GNRHR: variants seen among roughly 807,000 people sequenced by gnomAD.
The protein encoded by GNRHR is gonadotropin-releasing hormone receptor.
A neutral mutation model predicts 28.1 loss-of-function variants in GNRHR; 14 were observed. That is an observed-to-expected ratio of 0.50 (90% CI 0.33 to 0.78). The LOEUF (loss-of-function observed/expected upper bound fraction) is 0.78, where lower values mean the gene tolerates loss of function less well. Among genes scored for constraint, GNRHR ranks in the 30% least tolerant of loss-of-function variants. The pLI is 0.02. For missense variants in GNRHR, 366 were observed against 382.1 expected, an observed-to-expected ratio of 0.96 and a Z score of 0.35; for synonymous variants, 141 against 140.5, an observed-to-expected ratio of 1.00 and a Z score of -0.02.
rs564954554 is a variant in GNRHR, at chr4:67,739,513, C to T, written c.*967G>A. On this transcript the variant is annotated 3_prime_UTR_variant, in exon 3 of 3. Transcript: ENST00000226413. ...ACAGACTGAAGCTGTAGTTTTCTCTCCAGAGTTCCTTTTGTGTATCAAGCA... is the reference window on the plus strand; with the variant it reads ...ACAGACTGAAGCTGTAGTTTTCTCTTCAGAGTTCCTTTTGTGTATCAAGCA... The T allele has an allele frequency of 6.6e-6, 1 of 152,128 alleles. No homozygotes were observed. Among genetic ancestry groups the T allele is most frequent in the African/African-American group, 2.4e-5 (1 of 41,522 alleles). The allele number at this position is 152,128 out of a possible 1,614,324, so 9.4% of individuals were successfully genotyped here.
intron 1 of GNRHR, chr4:67,747,327 TA>T: frequency 6.0e-6 from 1 of 165,640 alleles, no homozygotes. Flanking sequence ...AGTTTTTTGC[TA>T]ACACCACAAA....
chr4:67,745,744 T>C (rs1053580121), intron 1 of GNRHR, among the ~76,000 whole-genome samples: 3 of 152,086 alleles, frequency 2.0e-5, no homozygotes, highest in Non-Finnish European at 4.4e-5. Flanking sequence ...ACATTGCCAA[T>C]AATAGGACCT....
chr4:67,744,859 G>A, intron 1 of GNRHR, 72 bp from the exon 2 acceptor site: 1 of 860,994 alleles, frequency 1.2e-6, no homozygotes, highest in Admixed American at 1.8e-5. Context: ...TTGGTACTCT[G>A]CTAGCCTTCT....
intron 1 of GNRHR, among the ~76,000 whole-genome samples, chr4:67,750,297 C>A (rs999886536): frequency 6.6e-6 from 1 of 152,056 alleles, no homozygotes; most frequent in East Asian, 1.9e-4. Flanking sequence ...TAGTGAATAA[C>A]CAAGTGGAGG....
intron 1 of GNRHR, among the ~76,000 whole-genome samples, chr4:67,751,232 G>C (rs966271267): frequency 5.9e-5 from 9 of 152,302 alleles, no homozygotes; most frequent in East Asian, 5.8e-4. Context: ...TTTCAGTGTA[G>C]TGTGTATTTC....
At chr4:67,745,272 G>T (rs1042489340) in intron 1 of GNRHR, among the ~76,000 whole-genome samples, 1 of 151,132 alleles carries the variant, frequency 6.6e-6, no homozygotes, top group Non-Finnish European at 1.5e-5. Context: ...AAGAATGATG[G>T]AATATGTCAA....
chr4:67,753,083 G>C (rs1264810795), intron 1 of GNRHR, among the ~76,000 whole-genome samples: 1 of 152,196 alleles, frequency 6.6e-6, no homozygotes, highest in Non-Finnish European at 1.5e-5. Flanking sequence ...GCTGCTTCTG[G>C]TGAAGGCAAC....
At chr4:67,749,526 T>G (rs11932035) in intron 1 of GNRHR, among the ~76,000 whole-genome samples, 33,243 of 151,932 alleles carry the variant, frequency 0.22, 3,890 homozygotes, top group Non-Finnish European at 0.26. Context: ...AAATGTCTTC[T>G]CTTCAATTTA....
Position 67,754,170 on chromosome 4 carries a change from A to G in GNRHR, c.166T>C (p.Phe56Leu). ...FLLSATFNAS[F>L]LLKLQKWTQK... Reference sequence around the variant, plus strand: ...GTCCACTTCTGAAGTTTCAACAAGAAAGAAGCATTAAAGGTCGCAGAGAGC... The same window carrying G: ...GTCCACTTCTGAAGTTTCAACAAGAGAGAAGCATTAAAGGTCGCAGAGAGC... The change falls in exon 1 of 3, where the codon TTC (phenylalanine) becomes CTC (leucine). Residue 56 changes from phenylalanine to leucine, a missense_variant. Physicochemically the swap from Phe to Leu is conservative, Grantham distance 22. Transcript: ENST00000226413. 1.9e-6 allele frequency: 3 copies of G among 1,614,126 alleles called. No homozygotes were observed. The highest frequency in any genetic ancestry group is 2.5e-6 in the Non-Finnish European group (3 of 1,179,948).
chr4:67,749,719 C>T (rs1208994168), intron 1 of GNRHR, among the ~76,000 whole-genome samples: 2 of 150,878 alleles, frequency 1.3e-5, no homozygotes, highest in Non-Finnish European at 3.0e-5. Flanking sequence ...TCCTTCCTTC[C>T]TTCCTTCCGT....
At chr4:67,752,043 G>T (rs1731878563) in intron 1 of GNRHR, among the ~76,000 whole-genome samples, 1 of 152,030 alleles carries the variant, frequency 6.6e-6, no homozygotes, top group African/African-American at 2.4e-5. Flanking sequence ...AATCCAATTT[G>T]TTGTCAGGTT....
At position 67,754,019 on chromosome 4, in the gene GNRHR, T is replaced by C. The variant is rs104893836; in HGVS notation, c.317A>G (p.Gln106Arg). The C allele has an allele frequency of 3.5e-3, 5,708 of 1,613,870 alleles. 10 individuals carry two copies. Among genetic ancestry groups the C allele is most frequent in the Middle Eastern group, 5.3e-3 (32 of 6,062 alleles). ...GCAGAGTAACTCTCCAGCATACCAT[T>C]GGACTGTAATGTTCCACATCCCATC... ...PLDGMWNITV[Q>R]WYAGELLCKV... is the part of the protein sequence containing the mutation. The change falls in exon 1 of 3, where the codon CAA becomes CGA. Residue 106 changes from glutamine to arginine, a missense_variant. Transcript: ENST00000226413.
In GNRHR at chr4:67,744,618, T is replaced by G; in HGVS notation, c.692A>C (p.Asn231Thr). ...TGTCAGGGTGAAGATGATTTTTGCA[T>G]TGCAGATCAGCATGATGAAAAGAGG... ...IIPLFIMLICNAKIIFTLTRV... is the reference protein window; with the variant it reads ...IIPLFIMLICTAKIIFTLTRV... The change falls in exon 2 of 3, where the codon AAT becomes ACT. Residue 231 changes from asparagine (N) to threonine (T), a missense_variant. Coordinates refer to ENST00000226413, the MANE Select transcript of GNRHR (RefSeq NM_000406.3). 6.2e-7 allele frequency: 1 copy of G among 1,613,600 alleles called. No individual in the cohort carries two copies. The highest frequency in any genetic ancestry group is 8.5e-7 in the Non-Finnish European group (1 of 1,179,490).
At chr4:67,744,481 A>G (rs1731718511) in intron 2 of GNRHR, 87 bp downstream of exon 2, 5 of 788,060 alleles carry the variant, frequency 6.3e-6, no homozygotes, top group South Asian at 2.8e-5. Context: ...TTAGAACAGT[A>G]TCTGTCACAT....
chr4:67,737,698 G>GTTTAA lies in GNRHR; in HGVS notation c.*2777_*2781dup, dbSNP rs1423775347. Among the ~76,000 whole-genome samples, 2 of 151,770 alleles carry GTTTAA rather than the reference G, an allele frequency of 1.3e-5. No homozygotes were observed. The highest frequency in any genetic ancestry group is 3.0e-5 in the Non-Finnish European group (2 of 67,794). ...CTTAAATTGAACTAATGTAGGCTTT[G>GTTTAA]TTTAATTTATTGTCATTAGTTAATG... On this transcript the variant is annotated 3_prime_UTR_variant, in exon 3 of 3. Transcript: ENST00000226413.
At chr4:67,746,344 G>A (rs922533883) in intron 1 of GNRHR, among the ~76,000 whole-genome samples, 1 of 151,946 alleles carries the variant, frequency 6.6e-6, no homozygotes, top group East Asian at 1.9e-4. Context: ...TTTTTAAAAA[G>A]CCTTTATCCT....
chr4:67,745,178 A>C (rs1361042555), intron 1 of GNRHR, among the ~76,000 whole-genome samples: 1 of 152,142 alleles, frequency 6.6e-6, no homozygotes, highest in Non-Finnish European at 1.5e-5. Flanking sequence ...CAAAATACAT[A>C]TTTAAATTTT....
intron 1 of GNRHR, among the ~76,000 whole-genome samples, chr4:67,745,101 A>G (rs938225004): frequency 2.0e-5 from 3 of 152,138 alleles, no homozygotes; most frequent in African/African-American, 7.2e-5. Flanking sequence ...ACTTTTTGCA[A>G]GTGATTTTGC....
chr4:67,745,211 T>C (rs978742171), intron 1 of GNRHR, among the ~76,000 whole-genome samples: 2 of 151,712 alleles, frequency 1.3e-5, no homozygotes, highest in Non-Finnish European at 2.9e-5. Context: ...GAAGCCCTAT[T>C]AAAATGACAT....
Sources: gnomAD v4.1 joint callset for allele counts (sites outside exome capture counted in the v4.1 genomes callset) on GRCh38, gnomAD v4.1.1 for gene constraint, MANE v1.5 for transcripts, NCBI Gene and HGNC (gene_info 2026-07-23, HGNC 2026-07-21) for gene names.